The following ASCC3 variants were observed in gnomAD, a reference collection of about 807,000 sequenced individuals.
ASCC3 encodes the protein ASC-1 complex subunit P200.
A neutral mutation model predicts 256.3 loss-of-function variants in ASCC3; 158 were observed. That is an observed-to-expected ratio of 0.62 (90% CI 0.54 to 0.70). The LOEUF is 0.70. Ranked by LOEUF, ASCC3 falls within the 30% of genes least tolerant of loss-of-function variation. ASCC3 has a pLI of 0.00. For synonymous variants in ASCC3, 948 were observed against 883.4 expected (o/e 1.07, Z -1.30); for missense variants, 2,259 against 2,626.0 (o/e 0.86, Z 3.05).
At chr6:100,609,794 C>G (rs1171890514) in intron 30 of ASCC3, among the ~76,000 whole-genome samples, 14 of 151,972 alleles carry the variant, frequency 9.2e-5, no homozygotes, top group Non-Finnish European at 1.8e-4. Context: ...GCCTGTAACC[C>G]CAGCTACTCA....
chr6:100,880,674 T>C (rs1490985031), intron 1 of ASCC3, among the ~76,000 whole-genome samples: 4 of 152,116 alleles, frequency 2.6e-5, no homozygotes, highest in African/African-American at 7.2e-5. Context: ...GGGAAAAATA[T>C]GAGGAAGATT....
intron 4 of ASCC3, among the ~76,000 whole-genome samples, chr6:100,810,196 T>C (rs937762985): frequency 1.6e-4 from 25 of 152,122 alleles, no homozygotes; most frequent in African/African-American, 6.0e-4. Flanking sequence ...TCTGAAGGCA[T>C]GCTCTTTCAC....
chr6:100,858,773 C>T (rs1188833329), intron 3 of ASCC3: 5 of 853,742 alleles, frequency 5.9e-6, no homozygotes, highest in African/African-American at 3.6e-5. Flanking sequence ...TCTTACATAG[C>T]CACAACATTA....
At chr6:100,685,973 C>T (rs1320146795) in intron 13 of ASCC3, among the ~76,000 whole-genome samples, 2 of 152,156 alleles carry the variant, frequency 1.3e-5, no homozygotes, top group Non-Finnish European at 2.9e-5. Context: ...TATCAAATAA[C>T]TTTCCATATT....
chr6:100,712,322 T>C (rs1310405235), intron 13 of ASCC3, among the ~76,000 whole-genome samples: 1 of 152,022 alleles, frequency 6.6e-6, no homozygotes, highest in Non-Finnish European at 1.5e-5. Flanking sequence ...GGAAAGAGAA[T>C]GAGAAGACAA....
At position 100,540,249 on chromosome 6, in the gene ASCC3, C is replaced by A. The variant is rs774338977; in HGVS notation, c.5689G>T (p.Ala1897Ser). ...PHTKAHLLLQ[A>S]HLSRAMLPCP... ...GGTAGCATGGCTCGGCTGAGATGTG[C>A]CTGTAGCAGGAGATGTGCTTTGGTG... The change falls in exon 37 of 42, where the codon GCA becomes TCA. Residue 1897 changes from alanine to serine, a missense_variant. Transcript: ENST00000369162. The A allele has an allele frequency of 1.9e-6, 3 of 1,613,678 alleles. No individual in the cohort carries two copies. Among genetic ancestry groups the A allele is most frequent in the Admixed American group, 1.7e-5 (1 of 59,962 alleles).
intron 4 of ASCC3, among the ~76,000 whole-genome samples, chr6:100,810,679 T>TA (rs1369902987): frequency 6.6e-6 from 1 of 152,070 alleles, no homozygotes; most frequent in African/African-American, 2.4e-5. Flanking sequence ...TTTGACAACA[T>TA]AAAAAAGTCT....
intron 13 of ASCC3, among the ~76,000 whole-genome samples, chr6:100,705,594 T>C (rs1778541523): frequency 6.6e-6 from 1 of 151,920 alleles, no homozygotes; most frequent in Non-Finnish European, 1.5e-5. Context: ...TCCAAGATAC[T>C]GAACAACTTG....
At chr6:100,600,132 G>T (rs1395957011) in intron 34 of ASCC3, among the ~76,000 whole-genome samples, 1 of 151,424 alleles carries the variant, frequency 6.6e-6, no homozygotes, top group East Asian at 1.9e-4. Context: ...TAAATGCCTT[G>T]ATTCTTATGT....
rs748274827 is a variant in ASCC3, at chr6:100,848,247, A to T, written c.702T>A (p.Thr234=). 1.9e-6 allele frequency: 3 copies of T among 1,614,070 alleles called. No homozygotes were observed. Among genetic ancestry groups the T allele is most frequent in the Non-Finnish European group, 2.5e-6 (3 of 1,180,000 alleles). ...WCEVEKYLNS[T]LKEMTEVPRV... is the part of the protein sequence containing the mutation. Reference sequence around the variant, plus strand: ...TTGGCACTTCAGTCATTTCCTTCAAAGTTGAATTTAGGTACTTTTCAACTT... The same window carrying T: ...TTGGCACTTCAGTCATTTCCTTCAATGTTGAATTTAGGTACTTTTCAACTT... Residue 234 remains threonine, a synonymous_variant, in exon 4 of 42, where the codon ACT becomes ACA. Transcript: ENST00000369162.
chr6:100,601,064 C>T (rs1210899837), intron 34 of ASCC3, among the ~76,000 whole-genome samples: 3 of 151,998 alleles, frequency 2.0e-5, no homozygotes, highest in Non-Finnish European at 4.4e-5. Flanking sequence ...CTCTTTCAAG[C>T]CCTGAGGATT....
At chr6:100,611,187 T>G (rs918314347) in intron 30 of ASCC3, among the ~76,000 whole-genome samples, 1 of 152,150 alleles carries the variant, frequency 6.6e-6, no homozygotes, top group African/African-American at 2.4e-5. Context: ...TAAAGAGAAC[T>G]GTTTGTTTAT....
At chr6:100,704,000 G>T (rs1778462589) in intron 13 of ASCC3, among the ~76,000 whole-genome samples, 2 of 150,892 alleles carry the variant, frequency 1.3e-5, no homozygotes, top group Admixed American at 1.3e-4. Context: ...GCAAATACTT[G>T]TAATATTAAC....
Position 100,718,263 on chromosome 6 carries a change from A to G in ASCC3, c.1903-12T>C. 6.3e-7 allele frequency: 1 copy of G among 1,577,508 alleles called. No individual in the cohort carries two copies. Among genetic ancestry groups the G allele is most frequent in the South Asian group, 1.2e-5 (1 of 86,090 alleles). ...TGTGTGGATTCCACCTATATGGATTATTTTAATTAAATATGGGTTATTTAA... is the reference window on the plus strand; with the variant it reads ...TGTGTGGATTCCACCTATATGGATTGTTTTAATTAAATATGGGTTATTTAA... On this transcript the variant is annotated splice_polypyrimidine_tract_variant and intron_variant, in intron 11 of 41. Coordinates refer to ENST00000369162, the MANE Select transcript of ASCC3 (RefSeq NM_006828.4).
At chr6:100,563,663 G>A (rs1026526799) in intron 36 of ASCC3, among the ~76,000 whole-genome samples, 14 of 152,038 alleles carry the variant, frequency 9.2e-5, no homozygotes, top group African/African-American at 2.2e-4. Flanking sequence ...GCCCAATGCC[G>A]AAGCCAGACT....
intron 3 of ASCC3, among the ~76,000 whole-genome samples, chr6:100,863,668 T>C (rs1377335308): frequency 1.3e-5 from 2 of 152,096 alleles, no homozygotes; most frequent in Admixed American, 1.3e-4. Flanking sequence ...CAGACTGAAG[T>C]GCAGTGGCAT....
chr6:100,714,576 T>C (rs999598797), intron 13 of ASCC3, among the ~76,000 whole-genome samples: 2 of 152,238 alleles, frequency 1.3e-5, no homozygotes, highest in South Asian at 2.1e-4. Flanking sequence ...GAAAATTCAA[T>C]TGGTCAGTAA....
intron 1 of ASCC3, among the ~76,000 whole-genome samples, chr6:100,869,358 G>C (rs543054211): frequency 6.6e-6 from 1 of 152,190 alleles, no homozygotes; most frequent in South Asian, 2.1e-4. Flanking sequence ...CTGTATTCCT[G>C]AAGTTATCAA....
At chr6:100,577,350 G>A (rs1030704288) in intron 36 of ASCC3, among the ~76,000 whole-genome samples, 1 of 151,864 alleles carries the variant, frequency 6.6e-6, no homozygotes, top group Admixed American at 6.6e-5. Context: ...TCCAAAGAGG[G>A]CCTCTATTCA....
Sources: gnomAD v4.1 joint callset for allele counts (sites outside exome capture counted in the v4.1 genomes callset) on GRCh38, gnomAD v4.1.1 for gene constraint, MANE v1.5 for transcripts, NCBI Gene and HGNC (gene_info 2026-07-23, HGNC 2026-07-21) for gene names.